SHANK2: variants seen among roughly 807,000 people sequenced by gnomAD.
SHANK2 encodes SH3 and multiple ankyrin repeat domains 2, also known as SH3 and multiple ankyrin repeat domains protein 2.
Under a neutral mutation model 133.7 loss-of-function variants are expected in SHANK2, and 43 were observed. That is an observed-to-expected ratio of 0.32 (90% CI 0.25 to 0.41). The LOEUF is 0.41. Among genes scored for constraint, SHANK2 ranks in the 10% least tolerant of loss-of-function variants. SHANK2 has a pLI of 1.00. For synonymous variants in SHANK2, 1,017 were observed against 952.8 expected, an observed-to-expected ratio of 1.07 and a Z score of -1.24; for missense variants, 1,994 against 2,235.8, an observed-to-expected ratio of 0.89 and a Z score of 2.18.
intron 2 of SHANK2, among the ~76,000 whole-genome samples, chr11:71,220,981 A>G (rs182128351): frequency 4.0e-5 from 6 of 151,752 alleles, no homozygotes; most frequent in South Asian, 2.1e-4. Flanking sequence ...CAGGTGGATC[A>G]CTTGAGGTCA....
At chr11:70,768,966 A>G (rs1555042029) in intron 14 of SHANK2, among the ~76,000 whole-genome samples, 1 of 152,160 alleles carries the variant, frequency 6.6e-6, no homozygotes, top group African/African-American at 2.4e-5. Context: ...GTGTCTGCAC[A>G]GGTGGCCGAA....
intron 17 of SHANK2, among the ~76,000 whole-genome samples, chr11:70,545,635 GTGT>G (rs753012180): frequency 4.6e-5 from 7 of 152,194 alleles, no homozygotes; most frequent in East Asian, 1.9e-4. Flanking sequence ...TAAACAGCTG[GTGT>G]TGTATTTTTT....
In SHANK2 at chr11:70,878,677, A is replaced by C. The variant is rs565712923; in HGVS notation, c.1174+17824T>G. 2.6e-5 allele frequency among the ~76,000 whole-genome samples: 4 copies of C among 152,264 alleles called. 1 individual carries two copies. The South Asian group carries it at 8.3e-4, about 32-fold the overall frequency. ...GATCTGTTCTTATTTTTCAGCCTCTACTTGATAAATGAGTCCATGAGTTTG... is the reference window on the plus strand; with the variant it reads ...GATCTGTTCTTATTTTTCAGCCTCTCCTTGATAAATGAGTCCATGAGTTTG... On this transcript the variant is annotated intron_variant, in intron 11 of 25. Coordinates refer to ENST00000601538, the MANE Select transcript of SHANK2 (RefSeq NM_012309.5).
At chr11:70,662,609 T>C (rs557950756) in intron 15 of SHANK2, among the ~76,000 whole-genome samples, 141 of 152,108 alleles carry the variant, frequency 9.3e-4, no homozygotes, top group African/African-American at 3.2e-3. Context: ...AATTCATTGC[T>C]GGGGAACTGG....
At chr11:70,814,013 A>G (rs1258726595) in intron 12 of SHANK2, among the ~76,000 whole-genome samples, 17 of 152,178 alleles carry the variant, frequency 1.1e-4, no homozygotes, top group Admixed American at 9.8e-4. Flanking sequence ...GCTGTCTGCC[A>G]GACTAACCCT....
At chr11:70,602,722 G>A (rs1281103570) in intron 17 of SHANK2, among the ~76,000 whole-genome samples, 1 of 152,150 alleles carries the variant, frequency 6.6e-6, no homozygotes, top group African/African-American at 2.4e-5. Flanking sequence ...TGACATGATT[G>A]GACTGGAATT....
At chr11:70,693,837 T>TATGGATGGAAGGATTCATAC (rs1555021623) in intron 15 of SHANK2, among the ~76,000 whole-genome samples, 1 of 151,980 alleles carries the variant, frequency 6.6e-6, no homozygotes, top group African/African-American at 2.4e-5. Context: ...AAGAGATACA[T>TATGGATGGAAGGATTCATAC]ATGGATGGAA....
Position 70,739,479 on chromosome 11 carries a change from C to G in SHANK2, c.1778-40716G>C, listed in dbSNP as rs1181006451. 6.6e-6 allele frequency among the ~76,000 whole-genome samples: 1 copy of G among 152,182 alleles called. No individual in the cohort carries two copies. The highest frequency in any genetic ancestry group is 1.5e-5 in the Non-Finnish European group (1 of 68,026). ...TGCCCCTGAAGTCTACCTGTGCCCA[C>G]GTGGGGAGGGTGTTTGTGCCTGTGC... On this transcript the variant is annotated intron_variant, in intron 14 of 25. Transcript: ENST00000601538. This position sits in a 1 kb window ranked among gnomAD's most constrained non-coding sequence, Gnocchi z 4.3.
chr11:70,847,609 C>T lies in SHANK2; in HGVS notation c.1175-26927G>A, dbSNP rs543544723. ...GAAAACCTGCCCGAGCATCTCTCTG[C>T]GCTCAGCAGCGACGCCATCCAGGGT... is the stretch of plus-strand genomic sequence containing the variant. On this transcript the variant is annotated intron_variant, in intron 11 of 25. Coordinates refer to ENST00000601538, the MANE Select transcript of SHANK2 (RefSeq NM_012309.5). 1.1e-4 allele frequency among the ~76,000 whole-genome samples: 17 copies of T among 152,350 alleles called. No individual in the cohort carries two copies. In the East Asian group the frequency reaches 1.4e-3, roughly 12 times the overall value.
chr11:70,646,746 C>T (rs1005099933), intron 17 of SHANK2, among the ~76,000 whole-genome samples: 27 of 152,322 alleles, frequency 1.8e-4, no homozygotes, highest in African/African-American at 6.0e-4. Context: ...AATCACAGTC[C>T]AGATACCAAA....
chr11:70,759,512 T>C (rs1946944975), intron 14 of SHANK2, among the ~76,000 whole-genome samples: 1 of 152,002 alleles, frequency 6.6e-6, no homozygotes, highest in African/African-American at 2.4e-5. Flanking sequence ...CAAAACTGAG[T>C]TCCAACCATG....
chr11:70,917,776 T>C (rs1282734712), intron 10 of SHANK2, among the ~76,000 whole-genome samples: 2 of 152,308 alleles, frequency 1.3e-5, no homozygotes, highest in Non-Finnish European at 2.9e-5. Flanking sequence ...ATACAGCATG[T>C]TCTCATTTAT....
At chr11:70,771,872 C>T (rs1947258647) in intron 14 of SHANK2, among the ~76,000 whole-genome samples, 1 of 152,194 alleles carries the variant, frequency 6.6e-6, no homozygotes, top group African/African-American at 2.4e-5. Flanking sequence ...TGGTCTGTGC[C>T]ATCAAGGTGA....
intron 11 of SHANK2, among the ~76,000 whole-genome samples, chr11:70,885,178 T>C (rs2135595426): frequency 8.3e-6 from 1 of 120,316 alleles, no homozygotes; most frequent in East Asian, 2.7e-4. Flanking sequence ...GTAAGTGCCC[T>C]GGGAGCGCTG....
chr11:71,218,570 T>C (rs1338237891), intron 2 of SHANK2, among the ~76,000 whole-genome samples: 1 of 152,194 alleles, frequency 6.6e-6, no homozygotes, highest in Non-Finnish European at 1.5e-5. Context: ...GGCTGTTCTA[T>C]TTTTAAATTG....
intron 14 of SHANK2, among the ~76,000 whole-genome samples, chr11:70,707,198 C>T (rs1211898947): frequency 3.3e-5 from 5 of 151,642 alleles, no homozygotes; most frequent in African/African-American, 1.2e-4. Flanking sequence ...ACGGCAAAAA[C>T]CCATCTCTAC....
At chr11:70,639,418 C>A (rs549912510) in intron 17 of SHANK2, among the ~76,000 whole-genome samples, 4 of 152,132 alleles carry the variant, frequency 2.6e-5, no homozygotes, top group Non-Finnish European at 5.9e-5. Context: ...GCAGAAGGGG[C>A]AAAGGGGCTC....
chr11:70,704,354 A>G (rs1945612511), intron 14 of SHANK2, among the ~76,000 whole-genome samples: 1 of 152,218 alleles, frequency 6.6e-6, no homozygotes, highest in African/African-American at 2.4e-5. Flanking sequence ...CGTGGCTAAG[A>G]AACTGCCGTG....
intron 12 of SHANK2, among the ~76,000 whole-genome samples, chr11:70,815,153 C>A (rs1180537301): frequency 6.6e-6 from 1 of 150,386 alleles, no homozygotes; most frequent in African/African-American, 2.4e-5. Flanking sequence ...CGGACCAGCA[C>A]CTTTAGGAGG....
Sources: gnomAD v4.1 joint callset for allele counts (sites outside exome capture counted in the v4.1 genomes callset) on GRCh38, gnomAD v4.1.1 for gene constraint, Gnocchi (gnomAD v3.1) non-coding constraint, MANE v1.5 for transcripts, NCBI Gene and HGNC (gene_info 2026-07-23, HGNC 2026-07-21) for gene names.